Variants in MACROD2 observed in about 807,000 individuals in gnomAD.
MACROD2 encodes ADP-ribose glycohydrolase MACROD2.
MACROD2 carries 36 observed loss-of-function variants against 70.4 expected under a neutral mutation model. The ratio of observed to expected loss-of-function variants is 0.51; its 90% CI spans 0.39 to 0.68. MACROD2 has a LOEUF of 0.68. Ranked by LOEUF, MACROD2 falls within the 30% of genes least tolerant of loss-of-function variation. MACROD2 has a pLI of 0.00. For missense variants in MACROD2, 496 were observed against 538.4 expected (o/e 0.92, Z 0.78); for synonymous variants, 172 against 178.8 (o/e 0.96, Z 0.30).
chr20:14,201,496 A>G (rs555567575), intron 3 of MACROD2, among the ~76,000 whole-genome samples: 17 of 152,282 alleles, frequency 1.1e-4, no homozygotes, highest in South Asian at 4.2e-4. Context: ...TTGAGGTTCT[A>G]TGTGCCTCAC....
At chr20:14,363,833 A>T (rs1447110986) in intron 3 of MACROD2, among the ~76,000 whole-genome samples, 1 of 150,056 alleles carries the variant, frequency 6.7e-6, no homozygotes, top group East Asian at 1.9e-4. Context: ...AAAAAAAAAA[A>T]AAAAAAAAAA....
intron 3 of MACROD2, among the ~76,000 whole-genome samples, chr20:14,191,512 GA>G (rs1489722594): frequency 1.3e-5 from 2 of 152,168 alleles, no homozygotes; most frequent in African/African-American, 4.8e-5. Flanking sequence ...TGCCCTCACA[GA>G]ACCTATACCC....
At chr20:15,744,189 A>G (rs745887544) in intron 8 of MACROD2, among the ~76,000 whole-genome samples, 5 of 152,224 alleles carry the variant, frequency 3.3e-5, no homozygotes, top group Non-Finnish European at 5.9e-5. Flanking sequence ...TTGATTCATA[A>G]TGCAATTTTA....
intron 3 of MACROD2, among the ~76,000 whole-genome samples, chr20:14,453,780 G>C (rs2084270337): frequency 6.6e-6 from 1 of 151,818 alleles, no homozygotes; most frequent in Admixed American, 6.6e-5. Context: ...TTAATTACCT[G>C]TGTCCAGTTC....
chr20:15,455,142 T>C (rs1026864413), intron 7 of MACROD2, among the ~76,000 whole-genome samples: 4 of 152,176 alleles, frequency 2.6e-5, no homozygotes, highest in Non-Finnish European at 5.9e-5. Flanking sequence ...TTTAGAGACT[T>C]TCTTCCTGTG....
At chr20:14,579,878 G>T (rs889726123) in intron 4 of MACROD2, among the ~76,000 whole-genome samples, 3 of 152,170 alleles carry the variant, frequency 2.0e-5, no homozygotes, top group Admixed American at 6.5e-5. Flanking sequence ...TGCTAAAGAG[G>T]CAGACCAGCA....
intron 3 of MACROD2, among the ~76,000 whole-genome samples, chr20:14,190,698 ATTTTTTTTTTTTTTT>A (rs1161419446): frequency 2.1e-4 from 6 of 28,088 alleles, no homozygotes; most frequent in African/African-American, 4.8e-4. Context: ...ATATATATAT[ATTTTTTTTTTTTTTT>A]TTTTTTTTTT....
At chr20:15,020,902 G>C (rs1462518886) in intron 5 of MACROD2, among the ~76,000 whole-genome samples, 1 of 150,866 alleles carries the variant, frequency 6.6e-6, no homozygotes, top group East Asian at 2.0e-4. Context: ...CTGGAAAAGG[G>C]AAAACTATAG....
intron 8 of MACROD2, among the ~76,000 whole-genome samples, chr20:15,643,147 A>G (rs2049488206): frequency 6.6e-6 from 1 of 152,140 alleles, no homozygotes; most frequent in Admixed American, 6.5e-5. Flanking sequence ...ATGTATATTT[A>G]TGGGTACCTC....
chr20:15,539,087 T>C (rs1297403773), intron 8 of MACROD2, among the ~76,000 whole-genome samples: 6 of 152,228 alleles, frequency 3.9e-5, no homozygotes, highest in African/African-American at 1.2e-4. Flanking sequence ...TCATCTTTTT[T>C]TCTGAGTACG....
intron 6 of MACROD2, among the ~76,000 whole-genome samples, chr20:15,272,957 T>C (rs2077358618): frequency 6.6e-6 from 1 of 152,226 alleles, no homozygotes; most frequent in Non-Finnish European, 1.5e-5. Flanking sequence ...TTACGTTTGC[T>C]CATGCTGTTC....
chr20:14,519,165 C>T (rs2085136971), intron 4 of MACROD2, among the ~76,000 whole-genome samples: 1 of 152,072 alleles, frequency 6.6e-6, no homozygotes, highest in African/African-American at 2.4e-5. Context: ...CTTTTACCTC[C>T]CAACACAGTT....
intron 3 of MACROD2, among the ~76,000 whole-genome samples, chr20:14,173,377 GTTCT>G (rs2148725780): frequency 6.6e-6 from 1 of 152,182 alleles, no homozygotes; most frequent in South Asian, 2.1e-4. Flanking sequence ...GATCTCTGAA[GTTCT>G]TTCTTCTACT....
intron 3 of MACROD2, among the ~76,000 whole-genome samples, chr20:14,488,317 T>G (rs1229055531): frequency 6.6e-6 from 1 of 152,234 alleles, no homozygotes; most frequent in African/African-American, 2.4e-5. Flanking sequence ...AGTAATCTCA[T>G]TTTTGTAACT....
chr20:14,314,873 A>G (rs2082599766), intron 3 of MACROD2, among the ~76,000 whole-genome samples: 4 of 152,130 alleles, frequency 2.6e-5, no homozygotes, highest in Non-Finnish European at 5.9e-5. Flanking sequence ...TTTTTTCCAC[A>G]CAATTAGACA....
chr20:14,202,313 A>G (rs2081486326), intron 3 of MACROD2, among the ~76,000 whole-genome samples: 1 of 152,218 alleles, frequency 6.6e-6, no homozygotes, highest in Non-Finnish European at 1.5e-5. Context: ...ATTGGTGTCA[A>G]AACTGTTTGC....
intron 13 of MACROD2, among the ~76,000 whole-genome samples, chr20:15,980,419 T>C (rs1252796587): frequency 6.6e-6 from 1 of 152,224 alleles, no homozygotes; most frequent in African/African-American, 2.4e-5. Flanking sequence ...CTTATTTTTT[T>C]TGTTCAATAG....
intron 16 of MACROD2, 61 bp downstream of exon 16, chr20:16,041,339 A>G: frequency 7.4e-7 from 1 of 1,349,804 alleles, no homozygotes. Context: ...TTCTATGTGT[A>G]ATCTAGGATT....
intron 5 of MACROD2, among the ~76,000 whole-genome samples, chr20:15,014,151 T>C (rs766799961): frequency 2.0e-5 from 3 of 152,204 alleles, no homozygotes; most frequent in Non-Finnish European, 4.4e-5. Context: ...CACCATATAC[T>C]CTTATACTTT....
Sources: allele counts gnomAD v4.1 joint callset (sites outside exome capture counted in the v4.1 genomes callset), GRCh38; gene constraint gnomAD v4.1.1; transcripts MANE v1.5; gene names NCBI Gene and HGNC (gene_info 2026-07-23, HGNC 2026-07-21).